NUP214: variants seen among roughly 807,000 people sequenced by gnomAD.
NUP214 encodes the protein nuclear pore complex protein Nup214.
A neutral mutation model predicts 196.2 loss-of-function variants in NUP214; 79 were observed. That is an observed-to-expected ratio of 0.40 (90% confidence interval 0.34 to 0.49). The LOEUF is 0.49. Ranked by LOEUF, NUP214 falls within the 20% of genes least tolerant of loss-of-function variation. The pLI, the probability that NUP214 is intolerant of heterozygous loss-of-function variation, is 0.58. For synonymous variants in NUP214, 1,020 were observed against 990.5 expected (o/e 1.03, Z -0.56); for missense variants, 2,468 against 2,539.0 (o/e 0.97, Z 0.60).
rs763892532 is a variant in NUP214 at position 131,232,307 on chromosome 9, T to C, written c.6238T>C (p.Ser2080Pro). 2 of 1,614,010 alleles carry C rather than the reference T, an allele frequency of 1.2e-6. No individual in the cohort carries two copies. The highest frequency in any genetic ancestry group is 1.7e-6 in the Non-Finnish European group (2 of 1,179,854). ...TGGFSFGSNN[S>P]SVQGFGGWRS ...AGGGTTCAGCTTTGGGTCAAATAAC[T>C]CGTAAGTATCCCCCTTTTTGAGTCT... Residue 2080 changes from serine to proline, a missense_variant and splice_region_variant, in exon 35 of 36, where the codon TCG (serine) becomes CCG (proline). Physicochemically the swap from Ser to Pro is moderately conservative, Grantham distance 74. Coordinates refer to ENST00000359428, the MANE Select transcript of NUP214 (RefSeq NM_005085.4). This position sits in a 1 kb window ranked among gnomAD's most constrained non-coding sequence, Gnocchi z 5.1.
At chr9:131,150,576 T>A in intron 15 of NUP214, 40 bp from the exon 16 acceptor site, 1 of 1,604,138 alleles carries the variant, frequency 6.2e-7, no homozygotes. Flanking sequence ...TTACTGTTTG[T>A]CCTTCAGACT....
intron 22 of NUP214, 129 bp downstream of exon 22, chr9:131,174,447 C>CTTT (rs1299530269): frequency 0.011 from 3,864 of 348,006 alleles, 141 homozygotes; most frequent in Admixed American, 0.017. Flanking sequence ...TTTTTTTTTT[C>CTTT]TTTTTTTCTT....
At chr9:131,194,381 TTTTG>T (rs1222735841) in intron 27 of NUP214, among the ~76,000 whole-genome samples, 1 of 151,922 alleles carries the variant, frequency 6.6e-6, no homozygotes, top group East Asian at 1.9e-4. Flanking sequence ...GGGTTTTTGT[TTTTG>T]TTTGTTTGGT....
Position 131,198,494 on chromosome 9 carries a change from C to A in NUP214, c.5000C>A (p.Ala1667Asp), listed in dbSNP as rs200267440. 20 of 1,614,134 alleles carry A rather than the reference C, an allele frequency of 1.2e-5. No homozygotes were observed. The African/African-American group carries it at 2.4e-4, about 19-fold the overall frequency. ...CAGCTCACCAACAACACAGCCACTG[C>A]CCCCTCTGCCACGCCCGTGTTTGGG... ...FNQLTNNTAT[A>D]PSATPVFGQV... Residue 1667 changes from alanine (A) to aspartate (D), a missense_variant, in exon 29 of 36, where the codon GCC becomes GAC. By Grantham distance (126) the Ala-to-Asp change is moderately radical (BLOSUM62 -2). Transcript: ENST00000359428.
At chr9:131,130,533 C>T (rs1831516298) in intron 4 of NUP214, among the ~76,000 whole-genome samples, 1 of 152,104 alleles carries the variant, frequency 6.6e-6, no homozygotes, top group Non-Finnish European at 1.5e-5. Flanking sequence ...GCTTTCTGGG[C>T]AGTAATCTAT....
Position 131,144,477 on chromosome 9 carries a change from G to A in NUP214, c.1492G>A (p.Glu498Lys). 3 of 1,614,122 alleles carry A rather than the reference G, an allele frequency of 1.9e-6. No homozygotes were observed. The highest frequency in any genetic ancestry group is 2.5e-6 in the Non-Finnish European group (3 of 1,180,012). ...SLKSSATVTG[E>K]PPSYSSGSDS... ...GAAGTCATCTGCTACGGTCACTGGG[G>A]AGCCCCCTTCATATTCCAGTGGCTC... The change falls in exon 12 of 36, where the codon GAG becomes AAG. Residue 498 changes from glutamate to lysine, a missense_variant. By Grantham distance (56) the Glu-to-Lys change is moderately conservative. Around this residue, in one of 5 missense-constraint regions of NUP214, gnomAD observed 1,801 missense variants for 1,779.4 expected, o/e 1.01. Transcript: ENST00000359428.
Position 131,130,229 on chromosome 9 carries a change from C to T in NUP214, c.593-537C>T, listed in dbSNP as rs370461714. On this transcript the variant is annotated intron_variant, in intron 4 of 35. Transcript: ENST00000359428. ...CGCGATCTCAGCTCACTGCAACCTC[C>T]ACCTGCTGGGTTCAAGCAATTCTCT... is the stretch of plus-strand genomic sequence containing the variant. 1.7e-4 allele frequency among the ~76,000 whole-genome samples: 25 copies of T among 147,622 alleles called. No homozygotes were observed. The East Asian group carries it at 2.3e-3, about 13-fold the overall frequency.
intron 21 of NUP214, among the ~76,000 whole-genome samples, chr9:131,171,799 C>A (rs1336173578): frequency 6.6e-6 from 1 of 151,948 alleles, no homozygotes; most frequent in African/African-American, 2.4e-5. Context: ...TGAGAACATG[C>A]GGTGTTTGGT....
chr9:131,158,085 A>G (rs947976358), intron 17 of NUP214, among the ~76,000 whole-genome samples: 1 of 147,908 alleles, frequency 6.8e-6, no homozygotes, highest in African/African-American at 2.5e-5. Flanking sequence ...GCCCGGCCTG[A>G]TTTTTTGTTT....
At chr9:131,177,206 A>T (rs868643419) in intron 23 of NUP214, among the ~76,000 whole-genome samples, 1 of 152,366 alleles carries the variant, frequency 6.6e-6, no homozygotes. Context: ...AGAAAAATTC[A>T]AATATTAAAA....
intron 24 of NUP214, among the ~76,000 whole-genome samples, chr9:131,184,780 T>G (rs930342175): frequency 7.9e-5 from 12 of 152,256 alleles, no homozygotes; most frequent in African/African-American, 2.9e-4. Context: ...AGAATGTGTC[T>G]TTGAAGACAT....
In NUP214 at chr9:131,175,697, C is replaced by T. The variant is rs1833095446; in HGVS notation, c.3319+76C>T. Reference sequence around the variant, plus strand: ...AGTCACAGGCCAGGACAGCAGGTGGCAAGAAACAGTGGGCGCTCTTTGGTG... The same window carrying T: ...AGTCACAGGCCAGGACAGCAGGTGGTAAGAAACAGTGGGCGCTCTTTGGTG... On this transcript the variant is annotated intron_variant, in intron 23 of 35. Coordinates refer to ENST00000359428, the MANE Select transcript of NUP214 (RefSeq NM_005085.4). 4 of 1,522,088 alleles carry T rather than the reference C, an allele frequency of 2.6e-6. No individual in the cohort carries two copies. In the East Asian group the frequency reaches 9.4e-5, roughly 36 times the overall value. 94.3% of individuals were successfully genotyped at this position (1,522,088 alleles called of 1,614,324 possible).
chr9:131,185,463 C>T (rs917511544), intron 24 of NUP214, among the ~76,000 whole-genome samples: 42 of 152,238 alleles, frequency 2.8e-4, no homozygotes, highest in African/African-American at 9.9e-4. Context: ...TGTTATAGCA[C>T]CATTTTCTTC....
chr9:131,139,046 G>C (rs1447686976), intron 9 of NUP214, among the ~76,000 whole-genome samples: 2 of 152,198 alleles, frequency 1.3e-5, no homozygotes, highest in Non-Finnish European at 2.9e-5. Context: ...ACCAGGAACA[G>C]ATAGAGAGGG....
chr9:131,156,942 A>G (rs1053637975), intron 17 of NUP214, among the ~76,000 whole-genome samples: 3 of 152,156 alleles, frequency 2.0e-5, no homozygotes, highest in Non-Finnish European at 4.4e-5. Flanking sequence ...ATTTGTAGAC[A>G]TACTTAATTG....
At chr9:131,132,945 G>A (rs1401402255) in intron 6 of NUP214, 161 bp from the exon 7 acceptor site, 2 of 644,040 alleles carry the variant, frequency 3.1e-6, no homozygotes, top group African/African-American at 3.7e-5. Flanking sequence ...GGATGAGTTT[G>A]GGCTTCTTGG....
chr9:131,222,755 C>G (rs1483055939), intron 31 of NUP214, 23 bp from the exon 32 acceptor site: 6 of 1,605,934 alleles, frequency 3.7e-6, no homozygotes, highest in African/African-American at 1.3e-5. Flanking sequence ...CCTCTGACCT[C>G]CCTCACATCT....
chr9:131,209,270 A>G (rs935723878), intron 30 of NUP214, among the ~76,000 whole-genome samples: 4 of 152,042 alleles, frequency 2.6e-5, no homozygotes, highest in Non-Finnish European at 5.9e-5. Context: ...CCCAACTACT[A>G]AGGAGGCTGA....
chr9:131,180,286 C>T (rs1344989354), intron 24 of NUP214, among the ~76,000 whole-genome samples: 2 of 152,190 alleles, frequency 1.3e-5, no homozygotes, highest in Non-Finnish European at 2.9e-5. Context: ...TTTCAATAAT[C>T]ATTTATTGAA....
Sources: allele counts gnomAD v4.1 joint callset (sites outside exome capture counted in the v4.1 genomes callset), GRCh38; gene constraint gnomAD v4.1.1; regional missense constraint gnomAD v4.1.1; non-coding constraint Gnocchi (gnomAD v3.1); transcripts MANE v1.5; gene names NCBI Gene and HGNC (gene_info 2026-07-23, HGNC 2026-07-21).